Variants in DCT observed in about 807,000 individuals in gnomAD.
The protein encoded by DCT is L-dopachrome tautomerase.
Under a neutral mutation model 53.0 loss-of-function variants are expected in DCT, and 47 were observed. The ratio of observed to expected loss-of-function variants is 0.89; its 90% confidence interval spans 0.70 to 1.13. DCT has a LOEUF of 1.13. Ranked by LOEUF, DCT falls within the 50% of genes most tolerant of loss-of-function variation. DCT has a pLI of 0.00. For missense variants in DCT, 669 were observed against 637.4 expected (o/e 1.05, Z -0.53); for synonymous variants, 244 against 237.0 (o/e 1.03, Z -0.27).
At chr13:94,512,694 A>G in the DCT span, among the ~76,000 whole-genome samples, 1 of 151,326 alleles carries the variant, frequency 6.6e-6, no homozygotes, top group Non-Finnish European at 1.5e-5. Flanking sequence ...ATAATACAAC[A>G]TGCCAATGGT....
rs748167345 is a variant in DCT at position 94,465,618 on chromosome 13, T to C, written c.863+15A>G. ...GACAATCTCTGGATGCCATTGCAGG[T>C]ACAGGAGCCATTACCTATCACAGAC... On this transcript the variant is annotated intron_variant, in intron 4 of 7. Coordinates refer to ENST00000377028, the MANE Select transcript of DCT (RefSeq NM_001922.5). 18 of 1,611,858 alleles carry C rather than the reference T, an allele frequency of 1.1e-5. No homozygotes were observed. Among genetic ancestry groups the C allele is most frequent in the East Asian group, 4.5e-5 (2 of 44,724 alleles).
the DCT span, among the ~76,000 whole-genome samples, chr13:94,518,234 T>TA: frequency 1.5e-3 from 220 of 150,802 alleles, no homozygotes; most frequent in African/African-American, 5.0e-3. Flanking sequence ...TAAGTGTTGT[T>TA]AAAAAAAAAC....
At chr13:94,536,933 G>T in the DCT span, among the ~76,000 whole-genome samples, 1 of 151,964 alleles carries the variant, frequency 6.6e-6, no homozygotes, top group Non-Finnish European at 1.5e-5. Flanking sequence ...AACAGAGAGA[G>T]ACTCCACCTC....
the DCT span, among the ~76,000 whole-genome samples, chr13:94,509,923 T>C: frequency 2.0e-5 from 3 of 152,308 alleles, no homozygotes; most frequent in East Asian, 1.9e-4. Context: ...AGGCACTCAA[T>C]AGCAATTTGT....
At chr13:94,493,494 T>C in the DCT span, among the ~76,000 whole-genome samples, 1 of 152,186 alleles carries the variant, frequency 6.6e-6, no homozygotes, top group African/African-American at 2.4e-5. Flanking sequence ...GTGATGATGG[T>C]TTCACTGGTG....
the DCT span, among the ~76,000 whole-genome samples, chr13:94,506,966 C>T: frequency 1.4e-4 from 21 of 152,276 alleles, no homozygotes; most frequent in East Asian, 4.1e-3. Context: ...TATTATCTTA[C>T]TCTATTGAGC....
intron 6 of DCT, among the ~76,000 whole-genome samples, chr13:94,453,178 G>A (rs914848975): frequency 6.6e-5 from 10 of 152,126 alleles, no homozygotes; most frequent in Non-Finnish European, 1.2e-4. Context: ...AAGGATGTGC[G>A]TACCTTATAT....
At chr13:94,518,104 C>G in the DCT span, among the ~76,000 whole-genome samples, 51,897 of 128,728 alleles carry the variant, frequency 0.4, 9,861 homozygotes, top group East Asian at 0.65. Flanking sequence ...AGAAGGGAAA[C>G]GAAGGGAAGG....
chr13:94,456,612 T>C (rs1197468749), intron 6 of DCT, among the ~76,000 whole-genome samples: 1 of 152,246 alleles, frequency 6.6e-6, no homozygotes, highest in African/African-American at 2.4e-5. Context: ...ATTTGTATTG[T>C]ACTTGACGGG....
chr13:94,515,796 C>T, the DCT span, among the ~76,000 whole-genome samples: 1 of 152,148 alleles, frequency 6.6e-6, no homozygotes, highest in Non-Finnish European at 1.5e-5. Flanking sequence ...AAATACTCAC[C>T]TGGGAGTTCA....
At chr13:94,508,714 T>C in the DCT span, among the ~76,000 whole-genome samples, 4 of 152,054 alleles carry the variant, frequency 2.6e-5, no homozygotes, top group Non-Finnish European at 4.4e-5. Context: ...GAAAGAAGAA[T>C]AGGGGGCCAC....
chr13:94,464,851 T>C lies in DCT; in HGVS notation c.863+782A>G, dbSNP rs572509684. ...ACTGACCTGTGTATGGTCTTTAGTA[T>C]GTCACAGATCATCCTTCCCCGGCTG... On this transcript the variant is annotated intron_variant, in intron 4 of 7. Transcript: ENST00000377028. Among the ~76,000 whole-genome samples the C allele has an allele frequency of 2.0e-5, 3 of 152,270 alleles. No individual in the cohort carries two copies. In the East Asian group the frequency reaches 5.8e-4, roughly 29 times the overall value.
chr13:94,495,609 A>G, the DCT span, among the ~76,000 whole-genome samples: 2 of 152,236 alleles, frequency 1.3e-5, no homozygotes, highest in Non-Finnish European at 1.5e-5. Flanking sequence ...AAAAATTCAA[A>G]GAGAAAAGAA....
chr13:94,536,635 C>A, the DCT span, among the ~76,000 whole-genome samples: 1 of 151,846 alleles, frequency 6.6e-6, no homozygotes, highest in African/African-American at 2.4e-5. Flanking sequence ...CTCTGTGTCA[C>A]CCTCTGCCAT....
At chr13:94,442,027 G>T (rs968245756) in intron 7 of DCT, among the ~76,000 whole-genome samples, 5 of 150,130 alleles carry the variant, frequency 3.3e-5, no homozygotes, top group African/African-American at 7.5e-5. Context: ...ATTTTTTTTT[G>T]ATAGCAGTCA....
intron 6 of DCT, among the ~76,000 whole-genome samples, chr13:94,457,976 G>A (rs547170211): frequency 6.6e-6 from 1 of 152,270 alleles, no homozygotes; most frequent in South Asian, 2.1e-4. Context: ...ATCGACAGCA[G>A]ACAAGGCCAC....
At chr13:94,475,410 T>C (rs1227982878) in intron 1 of DCT, among the ~76,000 whole-genome samples, 1 of 152,218 alleles carries the variant, frequency 6.6e-6, no homozygotes, top group African/African-American at 2.4e-5. Flanking sequence ...ACATTTGTGC[T>C]AAGTGAAATA....
the DCT span, among the ~76,000 whole-genome samples, chr13:94,522,352 G>A: frequency 6.6e-6 from 1 of 152,152 alleles, no homozygotes; most frequent in Non-Finnish European, 1.5e-5. Flanking sequence ...TTTCTCCCAT[G>A]CTGGATGCTT....
the DCT span, among the ~76,000 whole-genome samples, chr13:94,515,698 A>G: frequency 6.6e-6 from 1 of 152,230 alleles, no homozygotes; most frequent in Non-Finnish European, 1.5e-5. Context: ...AAGAACTTCT[A>G]GAAAGCTTGG....
Sources: allele counts gnomAD v4.1 joint callset (sites outside exome capture counted in the v4.1 genomes callset), GRCh38; gene constraint gnomAD v4.1.1; transcripts MANE v1.5; gene names NCBI Gene and HGNC (gene_info 2026-07-23, HGNC 2026-07-21).